DEFB134: variants seen among roughly 807,000 people sequenced by gnomAD.
DEFB134 encodes beta-defensin 134.
DEFB134 carries 7 observed loss-of-function variants against 7.4 expected under a neutral mutation model. That is an observed-to-expected ratio of 0.95 (90% CI 0.54 to 1.79). DEFB134 has a LOEUF of 1.79. DEFB134 is among the 40% of genes most tolerant of loss of function. DEFB134 has a pLI of 0.00. For synonymous variants in DEFB134, 33 were observed against 25.0 expected, an observed-to-expected ratio of 1.32 and a Z score of -0.96; for missense variants, 105 against 74.8, an observed-to-expected ratio of 1.40 and a Z score of -1.49.
chr8:11,996,208 T>C, exon 1 of DEFB134: 1 of 1,613,688 alleles, frequency 6.2e-7, no homozygotes, highest in Middle Eastern at 1.7e-4. Flanking sequence ...CAGCACTGGA[T>C]CCCAAAGGAA....
At position 11,996,302 on chromosome 8, in the gene DEFB134, T is replaced by C; in HGVS notation, c.-51A>G. The C allele has an allele frequency of 1.9e-6, 3 of 1,602,366 alleles. No homozygotes were observed. Among genetic ancestry groups the C allele is most frequent in the Non-Finnish European group, 2.6e-6 (3 of 1,169,750 alleles). On this transcript the variant is annotated 5_prime_UTR_variant, in exon 1 of 2. Transcript: ENST00000526438. ...TAGTGGCAGGGTCTGACATCGGCTG[T>C]CAGGGAACAGAGAGAAGAGGTTGAG...
chr8:11,996,845 T>C (rs144765531), upstream of DEFB134, among the ~76,000 whole-genome samples: 45 of 152,344 alleles, frequency 3.0e-4, no homozygotes, highest in East Asian at 8.7e-3. Context: ...ATAGTATTTT[T>C]AAGTGTTGCA....
At chr8:11,998,725 C>A (rs978235723), upstream of DEFB134, among the ~76,000 whole-genome samples, 2 of 151,838 alleles carry the variant, frequency 1.3e-5, no homozygotes, top group Admixed American at 6.6e-5. Context: ...AGACATGAAC[C>A]CATACAAAAG....
chr8:11,994,064 T>A (rs763136464), exon 2 of DEFB134: 27 of 1,613,934 alleles, frequency 1.7e-5, no homozygotes, highest in East Asian at 2.2e-5. Flanking sequence ...AGCATTCAAG[T>A]CTGCAGATGC....
chr8:11,999,263 T>A (rs1478874821), upstream of DEFB134: 1 of 209,110 alleles, frequency 4.8e-6, no homozygotes, highest in Non-Finnish European at 1.1e-5. Context: ...TATAAAGAAT[T>A]ACTGGCTGAG....
upstream of DEFB134, among the ~76,000 whole-genome samples, chr8:11,998,697 C>G (rs1800189775): frequency 6.6e-6 from 1 of 151,922 alleles, no homozygotes; most frequent in Non-Finnish European, 1.5e-5. Flanking sequence ...AAAATCAGAG[C>G]TGAACTGAAT....
chr8:11,999,086 T>G (rs372585665), upstream of DEFB134: 317 of 155,570 alleles, frequency 2.0e-3, 11 homozygotes, highest in South Asian at 0.051. Flanking sequence ...AACCTATCAT[T>G]TCTACCTTAG....
chr8:11,994,951 A>G (rs1335873328), intron 1 of DEFB134, among the ~76,000 whole-genome samples: 1 of 152,216 alleles, frequency 6.6e-6, no homozygotes, highest in African/African-American at 2.4e-5. Context: ...TCAATTCTGA[A>G]GATTTGAGAA....
At chr8:11,998,460 A>T (rs200706188), upstream of DEFB134, among the ~76,000 whole-genome samples, 855 of 143,432 alleles carry the variant, frequency 6.0e-3, 7 homozygotes, top group African/African-American at 0.02. Flanking sequence ...TAAAAAAAAA[A>T]TAAAAAAAAT....
chr8:11,996,110 G>A lies in DEFB134; in HGVS notation c.58+84C>T, dbSNP rs1800113375. On this transcript the variant is annotated intron_variant, in intron 1 of 1. Transcript: ENST00000526438. ...CTAGCTTGAAAATTAAAGGGCCCAT[G>A]GGTGGTGTATGTTTATTGGGTTGTT... 7 of 1,504,932 alleles carry A rather than the reference G, an allele frequency of 4.7e-6. No individual in the cohort carries two copies. The South Asian group carries it at 6.9e-5, about 15-fold the overall frequency. The allele number at this position is 1,504,932 out of a possible 1,614,324, so 93.2% of individuals were successfully genotyped here.
chr8:11,996,251 T>A (rs1333292744), exon 1 of DEFB134: 2 of 1,613,642 alleles, frequency 1.2e-6, no homozygotes, highest in African/African-American at 1.3e-5. Flanking sequence ...AGAGGCTTCA[T>A]GGCTGGGAAC....
upstream of DEFB134, among the ~76,000 whole-genome samples, chr8:11,998,593 GAGAGATCTCAAA>G (rs1800187280): frequency 6.6e-6 from 1 of 152,058 alleles, no homozygotes; most frequent in South Asian, 2.1e-4. Flanking sequence ...CAAAAAGTTA[GAGAGATCTCAAA>G]TTAAGAACCT....
chr8:11,997,006 C>T (rs1585093402), upstream of DEFB134, among the ~76,000 whole-genome samples: 4 of 152,298 alleles, frequency 2.6e-5, no homozygotes, highest in East Asian at 5.8e-4. Flanking sequence ...ACCATTGTCA[C>T]ATTCAAAATA....
At chr8:11,999,993 C>T (rs1419029987), upstream of DEFB134, among the ~76,000 whole-genome samples, 1 of 152,182 alleles carries the variant, frequency 6.6e-6, no homozygotes, top group Admixed American at 6.5e-5. Context: ...GGTCATCATG[C>T]TACTCTTCTC....
At chr8:11,995,789 G>A (rs528551027) in intron 1 of DEFB134, among the ~76,000 whole-genome samples, 23 of 152,240 alleles carry the variant, frequency 1.5e-4, no homozygotes, top group African/African-American at 4.8e-4. Flanking sequence ...GACAGGATGG[G>A]CATTACTAAT....
At chr8:11,997,227 G>A (rs567081260), upstream of DEFB134, among the ~76,000 whole-genome samples, 42 of 152,184 alleles carry the variant, frequency 2.8e-4, 1 homozygote, top group South Asian at 6.2e-3. Context: ...TTTGAGATTC[G>A]TCCTTGCTAT....
At chr8:11,998,393 G>A (rs1043025759), upstream of DEFB134, among the ~76,000 whole-genome samples, 4 of 151,848 alleles carry the variant, frequency 2.6e-5, no homozygotes, top group African/African-American at 9.7e-5. Flanking sequence ...TGGGACTACA[G>A]TAAGCTGTGG....
At chr8:11,994,203 A>C (rs1800058911) in intron 1 of DEFB134, 81 bp from the exon 3 acceptor site, 1 of 1,459,864 alleles carries the variant, frequency 6.8e-7, no homozygotes, top group Non-Finnish European at 9.2e-7. Context: ...ATTTTTATCC[A>C]ACCGGATACC....
upstream of DEFB134, among the ~76,000 whole-genome samples, chr8:11,997,943 T>C (rs1193350153): frequency 6.6e-6 from 1 of 152,164 alleles, no homozygotes; most frequent in African/African-American, 2.4e-5. Flanking sequence ...ACATGGCACA[T>C]ACTCTAAGAT....
Sources: allele counts gnomAD v4.1 joint callset (sites outside exome capture counted in the v4.1 genomes callset), GRCh38; gene constraint gnomAD v4.1.1; transcripts MANE v1.5; gene names NCBI Gene and HGNC (gene_info 2026-07-23, HGNC 2026-07-21).